EXT1: variants seen among roughly 807,000 people sequenced by gnomAD.
EXT1 encodes exostosin glycosyltransferase 1.
Under a neutral mutation model 82.5 loss-of-function variants are expected in EXT1, and 20 were observed. The ratio of observed to expected loss-of-function variants is 0.24; its 90% CI spans 0.17 to 0.35. The LOEUF (loss-of-function observed/expected upper bound fraction) is 0.35. Among genes scored for constraint, EXT1 ranks in the 10% least tolerant of loss-of-function variants. The probability of loss-of-function intolerance (pLI) is 1.00; values close to 1 mark genes in which losing one functional copy is unlikely to be tolerated. For synonymous variants in EXT1, 348 were observed against 350.8 expected (o/e 0.99, Z 0.09); for missense variants, 757 against 936.5 (o/e 0.81, Z 2.50).
At chr8:118,065,239 T>C (rs1034210064) in intron 1 of EXT1, among the ~76,000 whole-genome samples, 1 of 152,146 alleles carries the variant, frequency 6.6e-6, no homozygotes, top group African/African-American at 2.4e-5. Flanking sequence ...TAATGACCCA[T>C]GATGATAAGC....
chr8:117,818,374 G>A, intron 7 of EXT1, 61 bp downstream of exon 7: 1 of 1,353,670 alleles, frequency 7.4e-7, no homozygotes, highest in Non-Finnish European at 1.1e-6. Context: ...GACCCAAAGT[G>A]CCCCATGGAG....
intron 1 of EXT1, among the ~76,000 whole-genome samples, chr8:118,071,573 A>G (rs1817095770): frequency 6.6e-6 from 1 of 152,118 alleles, no homozygotes; most frequent in East Asian, 1.9e-4. Context: ...GATTGTTTTG[A>G]TTACAAATGA....
intron 5 of EXT1, among the ~76,000 whole-genome samples, chr8:117,820,416 C>A (rs900291396): frequency 6.6e-6 from 1 of 152,130 alleles, no homozygotes; most frequent in Admixed American, 6.5e-5. Flanking sequence ...TGTCTGGGCA[C>A]GGTGGCTCAC....
At chr8:117,814,234 G>GTGTGTGTGT (rs1811751084) in intron 7 of EXT1, among the ~76,000 whole-genome samples, 1 of 146,738 alleles carries the variant, frequency 6.8e-6, no homozygotes, top group Non-Finnish European at 1.5e-5. Flanking sequence ...CACACACAGT[G>GTGTGTGTGT]GTGTGTGTGT....
At chr8:117,909,123 C>CTCCG (rs1434054945) in intron 1 of EXT1, among the ~76,000 whole-genome samples, 1 of 117,484 alleles carries the variant, frequency 8.5e-6, no homozygotes, top group African/African-American at 2.5e-5. Flanking sequence ...CAGAGCGAGA[C>CTCCG]TCTGTCTCAA....
Position 117,883,493 on chromosome 8 carries a change from C to T in EXT1, c.963-46292G>A, listed in dbSNP as rs897049922. ...AGCAATGATAAAAGCTCATCAAAAT[C>T]ATCACAGCTATGAAACAGCCACAGA... On this transcript the variant is annotated intron_variant, in intron 1 of 10. Coordinates refer to ENST00000378204, the MANE Select transcript of EXT1 (RefSeq NM_000127.3). Among the ~76,000 whole-genome samples the T allele has an allele frequency of 2.0e-5, 3 of 152,232 alleles. No homozygotes were observed. In the East Asian group the frequency reaches 5.8e-4, roughly 29 times the overall value.
chr8:118,058,028 G>C (rs184403880), intron 1 of EXT1, among the ~76,000 whole-genome samples: 3 of 150,350 alleles, frequency 2.0e-5, no homozygotes, highest in Admixed American at 6.6e-5. Flanking sequence ...ATCTGCACCA[G>C]AGCAAACCAC....
chr8:118,047,099 G>A (rs1332862996), intron 1 of EXT1, among the ~76,000 whole-genome samples: 4 of 152,092 alleles, frequency 2.6e-5, no homozygotes, highest in Non-Finnish European at 5.9e-5. Context: ...CAGTCTGGCT[G>A]TGCATTAAAA....
chr8:117,827,655 G>A (rs908956314), intron 4 of EXT1, among the ~76,000 whole-genome samples: 4 of 151,530 alleles, frequency 2.6e-5, no homozygotes, highest in African/African-American at 4.8e-5. Context: ...TCTCCATGGC[G>A]CATGCTTGTA....
chr8:118,074,196 A>G (rs1236557097), intron 1 of EXT1, among the ~76,000 whole-genome samples: 2 of 152,130 alleles, frequency 1.3e-5, no homozygotes, highest in East Asian at 1.9e-4. Flanking sequence ...CTAAGCAACC[A>G]ATAGGAAAAT....
intron 1 of EXT1, among the ~76,000 whole-genome samples, chr8:118,063,151 AT>A (rs1563644264): frequency 6.6e-6 from 1 of 152,200 alleles, no homozygotes; most frequent in Non-Finnish European, 1.5e-5. Flanking sequence ...GTGGAAATTC[AT>A]TTTTTAAAAA....
chr8:117,999,771 A>G (rs923781586), intron 1 of EXT1, among the ~76,000 whole-genome samples: 2 of 152,140 alleles, frequency 1.3e-5, no homozygotes, highest in African/African-American at 2.4e-5. Flanking sequence ...TCTTCATTCA[A>G]TAGTTCACAA....
chr8:118,027,829 C>G (rs1201816867), intron 1 of EXT1, among the ~76,000 whole-genome samples: 1 of 152,196 alleles, frequency 6.6e-6, no homozygotes, highest in Non-Finnish European at 1.5e-5. Context: ...AAATTTGCAG[C>G]CGCTCCCCAG....
intron 1 of EXT1, among the ~76,000 whole-genome samples, chr8:118,042,815 C>T (rs547223900): frequency 1.3e-5 from 2 of 152,342 alleles, no homozygotes; most frequent in Admixed American, 6.5e-5. Context: ...CCCACCTATA[C>T]ATTCAACACA....
intron 5 of EXT1, among the ~76,000 whole-genome samples, 184 bp from the exon 6 acceptor site, chr8:117,819,978 G>A (rs1330212050): frequency 6.6e-6 from 1 of 152,168 alleles, no homozygotes; most frequent in Non-Finnish European, 1.5e-5. Context: ...TACTGCCTGA[G>A]TCTAGAGACC....
intron 1 of EXT1, among the ~76,000 whole-genome samples, chr8:117,937,057 G>T (rs926688104): frequency 1.3e-5 from 2 of 151,926 alleles, no homozygotes; most frequent in East Asian, 1.9e-4. Context: ...ACATCCCTTC[G>T]CTCCCTCCAT....
chr8:117,922,903 A>C lies in EXT1; in HGVS notation c.963-85702T>G, dbSNP rs1017988499. Among the ~76,000 whole-genome samples the C allele has an allele frequency of 3.9e-5, 6 of 152,216 alleles. 1 individual carries two copies. Among genetic ancestry groups the C allele is most frequent in the African/African-American group, 1.4e-4 (6 of 41,458 alleles). The stretch of plus-strand genomic sequence containing the variant: ...CCCACACTGGACTAATCATGGGCTA[A>C]AGAGGCAACCCTTTCTAATGCTAGT... On this transcript the variant is annotated intron_variant, in intron 1 of 10. Coordinates refer to ENST00000378204, the MANE Select transcript of EXT1 (RefSeq NM_000127.3).
chr8:117,910,537 T>C (rs542926945), intron 1 of EXT1, among the ~76,000 whole-genome samples: 2 of 152,070 alleles, frequency 1.3e-5, no homozygotes, highest in Non-Finnish European at 2.9e-5. Context: ...TGGGAACAGA[T>C]ACACTGAATT....
intron 1 of EXT1, among the ~76,000 whole-genome samples, chr8:118,045,409 G>T (rs918874383): frequency 1.3e-5 from 2 of 152,082 alleles, no homozygotes; most frequent in African/African-American, 2.4e-5. Flanking sequence ...TGGTAGCAGT[G>T]GTGTGAGCCT....
Sources: gnomAD v4.1 joint callset for allele counts (sites outside exome capture counted in the v4.1 genomes callset) on GRCh38, gnomAD v4.1.1 for gene constraint, MANE v1.5 for transcripts, NCBI Gene and HGNC (gene_info 2026-07-23, HGNC 2026-07-21) for gene names.